NMRAL1: variants seen among roughly 807,000 people sequenced by gnomAD.
NMRAL1 encodes the protein nmrA-like family domain-containing protein 1.
NMRAL1 carries 32 observed loss-of-function variants against 27.5 expected under a neutral mutation model. The observed-to-expected ratio is 1.16, with a 90% CI of 0.88 to 1.56. The LOEUF is 1.56. Ranked by LOEUF, NMRAL1 falls within the 40% of genes most tolerant of loss-of-function variation. The pLI is 0.00. For synonymous variants in NMRAL1, 166 were observed against 166.8 expected (o/e 1.00, Z 0.04); for missense variants, 420 against 392.0 (o/e 1.07, Z -0.60).
rs539716222 is a variant in NMRAL1, at chr16:4,469,233, G to T, written c.273C>A (p.Val91=). ...AGCTCCTGCCTGCCCTCACCTGCTT[G>T]ACCTCCTGCTCCTGGCTGCAGCTCT... ...YWESCSQEQE[V]KQGKLLADLA... The change falls in exon 3 of 6, where the codon GTC becomes GTA. Residue 91 remains valine (V), a synonymous_variant. Transcript: ENST00000283429. The T allele has an allele frequency of 5.0e-6, 8 of 1,612,616 alleles. No individual in the cohort carries two copies. The South Asian group carries it at 7.7e-5, about 15-fold the overall frequency.
chr16:4,469,878 AAAAAGGCCAGGC>A (rs2057487031), intron 2 of NMRAL1, among the ~76,000 whole-genome samples: 1 of 150,582 alleles, frequency 6.6e-6, no homozygotes, highest in Non-Finnish European at 1.5e-5. Context: ...AAAAAAAAAA[AAAAAGGCCAGGC>A]ATGGTGGCTC....
intron 2 of NMRAL1, 148 bp downstream of exon 2, chr16:4,473,945 G>A: frequency 1.7e-6 from 1 of 591,098 alleles, no homozygotes; most frequent in South Asian, 2.1e-5. Context: ...AAATTGGAAA[G>A]CAATTTGGGC....
chr16:4,475,763 C>T (rs976540837), upstream of NMRAL1, among the ~76,000 whole-genome samples: 6 of 151,588 alleles, frequency 4.0e-5, no homozygotes, highest in African/African-American at 1.5e-4. Context: ...CATGGTGAAA[C>T]CCCCGTCTCT....
intron 2 of NMRAL1, among the ~76,000 whole-genome samples, chr16:4,473,100 G>A (rs548385900): frequency 3.5e-4 from 53 of 151,178 alleles, no homozygotes; most frequent in African/African-American, 1.2e-3. Context: ...CAACCTCCTA[G>A]GTAGCTATAG....
At chr16:4,464,186 C>T (rs1596383820) in intron 4 of NMRAL1, 1 of 372,292 alleles carries the variant, frequency 2.7e-6, no homozygotes, top group African/African-American at 2.1e-5. Flanking sequence ...AGGAAAAGGA[C>T]TCTGAAAGCT....
chr16:4,467,340 TCTC>T (rs1262656834), intron 3 of NMRAL1, among the ~76,000 whole-genome samples: 1 of 151,990 alleles, frequency 6.6e-6, no homozygotes, highest in Non-Finnish European at 1.5e-5. Context: ...TTCAAGCAAT[TCTC>T]CTGCCTCACC....
intron 2 of NMRAL1, among the ~76,000 whole-genome samples, chr16:4,470,188 G>C (rs2057505096): frequency 6.9e-6 from 1 of 145,088 alleles, no homozygotes; most frequent in African/African-American, 2.6e-5. Flanking sequence ...AAAAAAAAAG[G>C]GCCTGGTGCA....
intron 2 of NMRAL1, among the ~76,000 whole-genome samples, chr16:4,472,474 G>T (rs1424314143): frequency 6.6e-6 from 1 of 151,988 alleles, no homozygotes; most frequent in Non-Finnish European, 1.5e-5. Flanking sequence ...GCCGGGCGCG[G>T]TGGCTCAAGC....
At position 4,463,844 on chromosome 16, in the gene NMRAL1, G is replaced by A. The variant is rs765617333; in HGVS notation, c.536C>T (p.Pro179Leu). ...GCCATCCATGGGAACGTCACCTGTG[G>A]GCAAGCCTGTGGGGCAGAGACGTGA... ...PDGKSYLLSL[P>L]TGDVPMDGMS... The change falls in exon 5 of 6, where the codon CCC (proline) becomes CTC (leucine). Residue 179 changes from proline to leucine, a missense_variant. Pro to Leu is a moderately conservative substitution (Grantham distance 98, BLOSUM62 -3). Coordinates refer to ENST00000283429, the MANE Select transcript of NMRAL1 (RefSeq NM_020677.6). 3.1e-6 allele frequency: 5 copies of A among 1,612,794 alleles called. No individual in the cohort carries two copies. In the East Asian group the frequency reaches 1.1e-4, roughly 36 times the overall value.
At chr16:4,464,019 A>C (rs1458443126) in intron 4 of NMRAL1, 169 bp from the exon 5 acceptor site, 6 of 563,554 alleles carry the variant, frequency 1.1e-5, no homozygotes, top group Non-Finnish European at 1.5e-5. Flanking sequence ...CAGAGGCAGC[A>C]GTGGAATTGA....
At position 4,462,030 on chromosome 16, in the gene NMRAL1, G is replaced by A. The variant is rs553613931; in HGVS notation, c.721-71C>T. ...GGGAGGTGGCGGGGCAGGGAGGCCG[G>A]ATGGGCTGGGGTCTCCCGACCTGCT... On this transcript the variant is annotated intron_variant, in intron 5 of 5. Coordinates refer to ENST00000283429, the MANE Select transcript of NMRAL1 (RefSeq NM_020677.6). 1,322 of 1,360,034 alleles carry A rather than the reference G, an allele frequency of 9.7e-4. 6 individuals carry two copies. Among genetic ancestry groups the A allele is most frequent in the Non-Finnish European group, 7.6e-4 (739 of 975,634 alleles). The allele number at this position is 1,360,034 out of a possible 1,614,324, so 84.2% of individuals were successfully genotyped here.
At chr16:4,470,385 G>A (rs989144007) in intron 2 of NMRAL1, among the ~76,000 whole-genome samples, 3 of 151,860 alleles carry the variant, frequency 2.0e-5, no homozygotes, top group African/African-American at 4.8e-5. Context: ...CAGGAGAATC[G>A]CTTGAACCCA....
chr16:4,474,277 G>A (rs1026973366), intron 1 of NMRAL1, 111 bp from the exon 2 acceptor site: 5 of 758,588 alleles, frequency 6.6e-6, no homozygotes, highest in African/African-American at 1.8e-5. Flanking sequence ...GGGGGCGGCT[G>A]GGCCCGGAGC....
At chr16:4,466,640 G>C in intron 3 of NMRAL1, 1 of 549,238 alleles carries the variant, frequency 1.8e-6, no homozygotes, top group South Asian at 2.1e-5. Flanking sequence ...GTGCAACATA[G>C]GACGGGGGGG....
intron 5 of NMRAL1, among the ~76,000 whole-genome samples, chr16:4,462,221 G>A (rs1046912293): frequency 5.9e-5 from 9 of 152,210 alleles, no homozygotes; most frequent in East Asian, 3.8e-4. Context: ...GCTCATGCCC[G>A]TAATCCCTGC....
intron 2 of NMRAL1, 25 bp from the exon 3 acceptor site, chr16:4,469,490 C>T: frequency 6.2e-7 from 1 of 1,610,462 alleles, no homozygotes; most frequent in East Asian, 2.2e-5. Context: ...AAAGACCTCT[C>T]AGGTCAGACC....
chr16:4,465,822 C>A (rs1218251814), intron 4 of NMRAL1, among the ~76,000 whole-genome samples: 1 of 152,206 alleles, frequency 6.6e-6, no homozygotes, highest in African/African-American at 2.4e-5. Context: ...GGACTACAGG[C>A]ATAAGCCACA....
intron 5 of NMRAL1, among the ~76,000 whole-genome samples, chr16:4,462,969 C>T (rs559066342): frequency 5.3e-5 from 8 of 152,136 alleles, no homozygotes; most frequent in Non-Finnish European, 1.2e-4. Context: ...ATTCTCTTGC[C>T]TCAGCCTCCC....
At chr16:4,464,057 C>T (rs907065427) in intron 4 of NMRAL1, 14 of 551,956 alleles carry the variant, frequency 2.5e-5, no homozygotes, top group Non-Finnish European at 9.5e-6. Flanking sequence ...AATCCGGGTA[C>T]TGCCACCTAG....
Sources: allele counts gnomAD v4.1 joint callset (sites outside exome capture counted in the v4.1 genomes callset), GRCh38; gene constraint gnomAD v4.1.1; transcripts MANE v1.5; gene names NCBI Gene and HGNC (gene_info 2026-07-23, HGNC 2026-07-21).